HERC4: variants seen among roughly 807,000 people sequenced by gnomAD.
HERC4 encodes HECT and RLD domain containing E3 ubiquitin protein ligase 4.
Under a neutral mutation model 124.3 loss-of-function variants are expected in HERC4, and 28 were observed. The observed-to-expected ratio is 0.23, with a 90% CI of 0.17 to 0.31. The LOEUF is 0.31. Among genes scored for constraint, HERC4 ranks in the 10% least tolerant of loss-of-function variants. The pLI, the probability that HERC4 is intolerant of heterozygous loss-of-function variation, is 1.00. For missense variants in HERC4, 713 were observed against 1,229.3 expected, an observed-to-expected ratio of 0.58 and a Z score of 6.28; for synonymous variants, 407 against 421.5, an observed-to-expected ratio of 0.97 and a Z score of 0.42.
intron 15 of HERC4, among the ~76,000 whole-genome samples, chr10:67,983,857 G>T (rs547496065): frequency 1.3e-5 from 2 of 151,868 alleles, no homozygotes. Flanking sequence ...CAGCTACTCA[G>T]GAGGCTGAAG....
At chr10:67,962,924 A>G (rs1007354513) in intron 16 of HERC4, among the ~76,000 whole-genome samples, 1 of 152,224 alleles carries the variant, frequency 6.6e-6, no homozygotes, top group Non-Finnish European at 1.5e-5. Flanking sequence ...ACTGTGTGCC[A>G]GAAATTACTC....
intron 22 of HERC4, among the ~76,000 whole-genome samples, chr10:67,934,801 C>T (rs183698523): frequency 6.6e-6 from 1 of 151,832 alleles, no homozygotes; most frequent in Non-Finnish European, 1.5e-5. Flanking sequence ...TTTAGGGTCC[C>T]TTTGACTGAA....
At chr10:67,994,306 T>A (rs2036729253) in intron 9 of HERC4, 1 of 152,234 alleles carries the variant, frequency 6.6e-6, no homozygotes, top group Non-Finnish European at 1.5e-5. Flanking sequence ...ACTCTTAAAA[T>A]GTGATTGTGC....
At chr10:68,073,236 T>G in intron 2 of HERC4, 50 bp from the exon 3 acceptor site, 1 of 659,392 alleles carries the variant, frequency 1.5e-6, no homozygotes, top group Non-Finnish European at 2.6e-6. Context: ...AAAGGATGTA[T>G]AATTGCTCTT....
intron 8 of HERC4, among the ~76,000 whole-genome samples, chr10:68,016,991 C>G (rs1019842917): frequency 4.6e-5 from 7 of 152,064 alleles, no homozygotes; most frequent in Admixed American, 4.6e-4. Flanking sequence ...ATTCACCACC[C>G]TGTAGTATTA....
chr10:67,940,104 T>G (rs1174274809), intron 20 of HERC4, among the ~76,000 whole-genome samples: 3 of 152,002 alleles, frequency 2.0e-5, no homozygotes, highest in Non-Finnish European at 2.9e-5. Flanking sequence ...ATTTTTGTAT[T>G]TTTAGTAGAG....
chr10:67,990,841 T>C, intron 13 of HERC4, 63 bp downstream of exon 13: 1 of 1,001,656 alleles, frequency 1.0e-6, no homozygotes, highest in Non-Finnish European at 1.5e-6. Flanking sequence ...GCTATAAACG[T>C]ATAAAACAAA....
chr10:68,021,860 A>AG (rs1395647349), intron 8 of HERC4, among the ~76,000 whole-genome samples: 1 of 152,122 alleles, frequency 6.6e-6, no homozygotes. Flanking sequence ...GAAAAAAAAA[A>AG]TCTCTGTATG....
chr10:67,937,293 G>C (rs2032449463), intron 21 of HERC4, among the ~76,000 whole-genome samples: 1 of 151,752 alleles, frequency 6.6e-6, no homozygotes, highest in African/African-American at 2.4e-5. Context: ...GAAAGGAGAG[G>C]GCCAGTTTAA....
chr10:68,066,097 C>T (rs2041289427), intron 3 of HERC4, among the ~76,000 whole-genome samples: 1 of 152,096 alleles, frequency 6.6e-6, no homozygotes, highest in African/African-American at 2.4e-5. Flanking sequence ...CAAATAAACT[C>T]TTATATAAAC....
intron 15 of HERC4, among the ~76,000 whole-genome samples, chr10:67,981,067 T>C (rs1467256625): frequency 6.6e-6 from 1 of 152,164 alleles, no homozygotes; most frequent in Non-Finnish European, 1.5e-5. Context: ...ACATTGGATG[T>C]AAATGAACTA....
intron 9 of HERC4, among the ~76,000 whole-genome samples, chr10:68,008,731 T>A (rs564521458): frequency 3.3e-5 from 5 of 152,246 alleles, no homozygotes; most frequent in African/African-American, 9.6e-5. Context: ...TACACCTACA[T>A]CCATAGCAGC....
chr10:68,057,015 T>C (rs2040582506), intron 3 of HERC4, among the ~76,000 whole-genome samples: 1 of 152,180 alleles, frequency 6.6e-6, no homozygotes, highest in South Asian at 2.1e-4. Flanking sequence ...TTTTGACAGA[T>C]AAAGATAGCT....
At chr10:68,040,077 A>G in intron 4 of HERC4, 2 of 839,370 alleles carry the variant, frequency 2.4e-6, no homozygotes, top group Non-Finnish European at 1.4e-6. Flanking sequence ...ATAGTGCCTA[A>G]TTAATAGTAC....
At chr10:68,051,444 G>A (rs868829662) in intron 3 of HERC4, among the ~76,000 whole-genome samples, 12 of 146,910 alleles carry the variant, frequency 8.2e-5, no homozygotes, top group East Asian at 4.1e-4. Flanking sequence ...TCCCGGGTTC[G>A]CGCCATTCTC....
chr10:67,961,120 G>T, intron 16 of HERC4: 1 of 175,918 alleles, frequency 5.7e-6, no homozygotes, highest in South Asian at 1.3e-4. Context: ...CTTCTTTCAT[G>T]ATCTACCAGT....
At chr10:67,995,588 T>C (rs569364320) in intron 9 of HERC4, among the ~76,000 whole-genome samples, 4 of 151,998 alleles carry the variant, frequency 2.6e-5, no homozygotes, top group South Asian at 2.1e-4. Flanking sequence ...TTCATTAATA[T>C]GTATGGACAC....
intron 23 of HERC4, among the ~76,000 whole-genome samples, chr10:67,927,377 A>C: frequency 8.0e-6 from 1 of 125,482 alleles, no homozygotes; most frequent in South Asian, 2.6e-4. Flanking sequence ...GAATAAATAC[A>C]CCATATATAT....
At chr10:68,025,913 ATTAT>A (rs1179985220) in intron 7 of HERC4, among the ~76,000 whole-genome samples, 9 of 152,136 alleles carry the variant, frequency 5.9e-5, no homozygotes, top group African/African-American at 4.8e-5. Flanking sequence ...GATACAAATA[ATTAT>A]TTATTTGCAT....
Sources: gnomAD v4.1 joint callset for allele counts (sites outside exome capture counted in the v4.1 genomes callset) on GRCh38, gnomAD v4.1.1 for gene constraint, MANE v1.5 for transcripts, NCBI Gene and HGNC (gene_info 2026-07-23, HGNC 2026-07-21) for gene names.